Variants in KCNG3 observed in about 807,000 individuals in gnomAD.
KCNG3 encodes potassium voltage-gated channel modifier subfamily G member 3, also known as voltage-gated potassium channel regulatory subunit KCNG3.
A neutral mutation model predicts 29.0 loss-of-function variants in KCNG3; 15 were observed. That is an observed-to-expected ratio of 0.52 (90% CI 0.35 to 0.80). The LOEUF (loss-of-function observed/expected upper bound fraction) is 0.80, where lower values mean the gene tolerates loss of function less well. KCNG3 is among the 30% of genes least tolerant of loss of function. The pLI, the probability that KCNG3 is intolerant of heterozygous loss-of-function variation, is 0.01. For missense variants in KCNG3, 512 were observed against 605.7 expected, an observed-to-expected ratio of 0.85 and a Z score of 1.62; for synonymous variants, 322 against 248.9, an observed-to-expected ratio of 1.29 and a Z score of -2.76.
At chr2:42,422,049 G>C in the KCNG3 span, among the ~76,000 whole-genome samples, 1 of 152,160 alleles carries the variant, frequency 6.6e-6, no homozygotes, top group Non-Finnish European at 1.5e-5. Context: ...GAGTTTATGA[G>C]GGTGTGGTAA....
the KCNG3 span, among the ~76,000 whole-genome samples, chr2:42,389,201 A>G: frequency 6.6e-6 from 1 of 152,200 alleles, no homozygotes; most frequent in East Asian, 1.9e-4. Flanking sequence ...TATAGTCATG[A>G]GCCACCTTGC....
intron 1 of KCNG3, among the ~76,000 whole-genome samples, chr2:42,474,051 C>G (rs929038483): frequency 2.6e-5 from 4 of 151,816 alleles, no homozygotes; most frequent in African/African-American, 9.7e-5. Flanking sequence ...ACTTGGGAGG[C>G]TGAGGCAGGA....
chr2:42,413,644 G>T, the KCNG3 span: 3 of 152,190 alleles, frequency 2.0e-5, no homozygotes, highest in Admixed American at 1.3e-4. Context: ...ATTTATAAAG[G>T]AAAGAGGCTT....
At chr2:42,469,275 G>C (rs1232601836) in intron 1 of KCNG3, among the ~76,000 whole-genome samples, 5 of 151,984 alleles carry the variant, frequency 3.3e-5, no homozygotes, top group Non-Finnish European at 5.9e-5. Context: ...AAATTAGCCA[G>C]GTGTGGTGGT....
At chr2:42,477,412 CACACACACACAT>C (rs1286069343) in intron 1 of KCNG3, among the ~76,000 whole-genome samples, 1 of 51,432 alleles carries the variant, frequency 1.9e-5, no homozygotes, top group Non-Finnish European at 4.6e-5. Flanking sequence ...CACACACACA[CACACACACACAT>C]ATATTTTTTT....
the KCNG3 span, among the ~76,000 whole-genome samples, chr2:42,434,018 CTCATAT>C: frequency 6.6e-6 from 1 of 152,126 alleles, no homozygotes; most frequent in East Asian, 1.9e-4. Flanking sequence ...CGAAAGGCAC[CTCATAT>C]TCATAGATTA....
chr2:42,444,533 C>A lies in KCNG3; in HGVS notation c.712G>T (p.Val238Leu). Residue 238 changes from valine (V) to leucine (L), a missense_variant, in exon 2 of 2, where the codon GTG (valine) becomes TTG (leucine). Val to Leu is a conservative substitution (Grantham distance 32). Around this residue, in one of 5 missense-constraint regions of KCNG3, gnomAD observed 173 missense variants for 262.4 expected, o/e 0.66. Coordinates refer to ENST00000306078, the MANE Select transcript of KCNG3 (RefSeq NM_133329.6). This position sits in a 1 kb window ranked among gnomAD's most constrained non-coding sequence, Gnocchi z 5.8. Reference protein sequence around the residue: ...CIGWFTAECIVRFIVSKNKCE... With the variant: ...CIGWFTAECILRFIVSKNKCE... ...TTGTTTTTGGAGACAATGAACCTCA[C>A]GATGCACTCGGCAGTGAACCAACCT... The A allele has an allele frequency of 4.3e-6, 7 of 1,614,060 alleles. No homozygotes were observed. The highest frequency in any genetic ancestry group is 5.9e-6 in the Non-Finnish European group (7 of 1,179,976).
chr2:42,394,205 T>G, the KCNG3 span, among the ~76,000 whole-genome samples: 1 of 152,216 alleles, frequency 6.6e-6, no homozygotes, highest in Non-Finnish European at 1.5e-5. Flanking sequence ...GACCATGACA[T>G]GCTGCAGGGG....
chr2:42,413,874 C>T, the KCNG3 span: 1 of 152,192 alleles, frequency 6.6e-6, no homozygotes, highest in Admixed American at 6.5e-5. Flanking sequence ...CCACTGGGTC[C>T]CTCTCATGAC....
chr2:42,470,433 G>A (rs1328938688), intron 1 of KCNG3, among the ~76,000 whole-genome samples: 1 of 152,148 alleles, frequency 6.6e-6, no homozygotes, highest in Non-Finnish European at 1.5e-5. Context: ...ACACTTCGAG[G>A]TCCGTACAGG....
At chr2:42,434,061 C>T in the KCNG3 span, among the ~76,000 whole-genome samples, 1 of 152,228 alleles carries the variant, frequency 6.6e-6, no homozygotes, top group East Asian at 1.9e-4. Context: ...TAAGATGCTA[C>T]CCCCTAATTT....
chr2:42,430,938 T>C, the KCNG3 span, among the ~76,000 whole-genome samples: 4 of 151,852 alleles, frequency 2.6e-5, no homozygotes, highest in East Asian at 1.9e-4. Flanking sequence ...GGTGAAACCC[T>C]GTCTCTACTA....
At chr2:42,490,035 C>T (rs1015105067) in intron 1 of KCNG3, among the ~76,000 whole-genome samples, 14 of 152,172 alleles carry the variant, frequency 9.2e-5, no homozygotes, top group African/African-American at 3.4e-4. Context: ...CCCATTTACC[C>T]TAAACACAAA....
intron 1 of KCNG3, among the ~76,000 whole-genome samples, chr2:42,470,635 G>A (rs1673262823): frequency 6.6e-6 from 1 of 152,214 alleles, no homozygotes. Context: ...AGCACTTTGG[G>A]AGGCTGAGGC....
At chr2:42,446,878 T>C (rs1463714221) in intron 1 of KCNG3, among the ~76,000 whole-genome samples, 2 of 152,030 alleles carry the variant, frequency 1.3e-5, no homozygotes, top group East Asian at 1.9e-4. Flanking sequence ...TGGTGGCTTA[T>C]ACTTGTAATC....
chr2:42,413,958 T>C, the KCNG3 span, among the ~76,000 whole-genome samples: 7 of 152,210 alleles, frequency 4.6e-5, no homozygotes, highest in Non-Finnish European at 8.8e-5. Flanking sequence ...TCAGTATTTT[T>C]CCAGCAAAGT....
chr2:42,440,940 C>T (rs527899708), downstream of KCNG3, among the ~76,000 whole-genome samples: 322 of 152,228 alleles, frequency 2.1e-3, no homozygotes, highest in African/African-American at 7.5e-3. Context: ...CTTTTTTCCT[C>T]TTTGGGTATT....
At chr2:42,471,092 C>T (rs1238353635) in intron 1 of KCNG3, among the ~76,000 whole-genome samples, 7 of 151,390 alleles carry the variant, frequency 4.6e-5, no homozygotes, top group Non-Finnish European at 7.4e-5. Flanking sequence ...TTCAAGGCTG[C>T]AGTGAGCTAT....
chr2:42,448,803 C>T (rs1244136781), intron 1 of KCNG3, among the ~76,000 whole-genome samples: 1 of 152,022 alleles, frequency 6.6e-6, no homozygotes. Flanking sequence ...CAGTGAAACC[C>T]CGTTCTCTAC....
Sources: allele counts gnomAD v4.1 joint callset (sites outside exome capture counted in the v4.1 genomes callset), GRCh38; gene constraint gnomAD v4.1.1; regional missense constraint gnomAD v4.1.1; non-coding constraint Gnocchi (gnomAD v3.1); transcripts MANE v1.5; gene names NCBI Gene and HGNC (gene_info 2026-07-23, HGNC 2026-07-21).